Variants in PLCB4 observed in about 807,000 individuals in gnomAD.
PLCB4 encodes the protein phospholipase C beta 4.
In PLCB4, 77 loss-of-function variants were observed where a neutral mutation model predicts 178.8. That is an observed-to-expected ratio of 0.43 (90% CI 0.36 to 0.52). The LOEUF (loss-of-function observed/expected upper bound fraction) is 0.52. Ranked by LOEUF, PLCB4 falls within the 20% of genes least tolerant of loss-of-function variation. PLCB4 has a pLI of 0.00. For synonymous variants in PLCB4, 496 were observed against 490.8 expected (o/e 1.01, Z -0.14); for missense variants, 1,024 against 1,453.4 (o/e 0.70, Z 4.80).
chr20:9,084,518 T>TG (rs869154115), intron 1 of PLCB4, among the ~76,000 whole-genome samples: 4 of 40,654 alleles, frequency 9.8e-5, no homozygotes, highest in African/African-American at 2.7e-4. Flanking sequence ...TTTTTTTTTT[T>TG]GTGTGGGGAA....
intron 2 of PLCB4, among the ~76,000 whole-genome samples, chr20:9,196,963 T>C (rs1352728423): frequency 1.3e-5 from 2 of 152,190 alleles, no homozygotes; most frequent in Non-Finnish European, 2.9e-5. Flanking sequence ...ATGTAGGCAA[T>C]GTAAAATGCA....
At chr20:9,128,006 A>G (rs2092170534) in intron 2 of PLCB4, among the ~76,000 whole-genome samples, 1 of 152,020 alleles carries the variant, frequency 6.6e-6, no homozygotes, top group Non-Finnish European at 1.5e-5. Context: ...GATATGATAT[A>G]GTTTGGATGT....
intron 2 of PLCB4, among the ~76,000 whole-genome samples, chr20:9,134,838 T>G (rs1361834778): frequency 2.6e-5 from 4 of 152,268 alleles, no homozygotes; most frequent in Non-Finnish European, 5.9e-5. Flanking sequence ...TGGAATGAAT[T>G]TTGGCATTAT....
At chr20:9,373,146 G>A in intron 12 of PLCB4, 42 bp downstream of exon 12, 1 of 983,214 alleles carries the variant, frequency 1.0e-6, no homozygotes. Flanking sequence ...TCTGTGTGCA[G>A]TGGCTTGCCT....
intron 28 of PLCB4, among the ~76,000 whole-genome samples, chr20:9,433,896 G>T (rs1242402413): frequency 4.6e-5 from 7 of 152,114 alleles, no homozygotes; most frequent in African/African-American, 1.2e-4. Flanking sequence ...AGAATAAATT[G>T]ATGCAATTTC....
At chr20:9,427,147 C>G (rs1207573574) in intron 28 of PLCB4, among the ~76,000 whole-genome samples, 1 of 152,100 alleles carries the variant, frequency 6.6e-6, no homozygotes, top group Non-Finnish European at 1.5e-5. Context: ...ATTGATTGTA[C>G]CTGGGAGGCA....
At chr20:9,350,624 T>G (rs2148153910) in intron 7 of PLCB4, among the ~76,000 whole-genome samples, 1 of 152,284 alleles carries the variant, frequency 6.6e-6, no homozygotes. Flanking sequence ...AGTGGTGTGT[T>G]CTCAGCTCAC....
At chr20:9,350,272 A>G (rs2034210669) in intron 7 of PLCB4, among the ~76,000 whole-genome samples, 1 of 152,172 alleles carries the variant, frequency 6.6e-6, no homozygotes, top group African/African-American at 2.4e-5. Flanking sequence ...TAATACTAAT[A>G]ATAGTAGCAG....
Position 9,280,866 on chromosome 20 carries a change from C to T in PLCB4, c.-15-26934C>T, listed in dbSNP as rs184803390. Among the ~76,000 whole-genome samples, 39 of 150,598 alleles carry T rather than the reference C, an allele frequency of 2.6e-4. No individual in the cohort carries two copies. The East Asian group carries it at 6.5e-3, about 25-fold the overall frequency. On this transcript the variant is annotated intron_variant, in intron 3 of 39. Coordinates refer to ENST00000378473, the MANE Select transcript of PLCB4 (RefSeq NM_001377142.1). ...GAACATGTGTTCATAATAACAGTGC[C>T]TGGAGGCATATTTGTATTATAGTTC...
In PLCB4 at chr20:9,356,236, T is replaced by G. The variant is rs1328508105; in HGVS notation, c.370-6660T>G. The stretch of plus-strand genomic sequence containing the variant: ...AGGTTGCGAAAATTTTCTCCCATTT[T>G]GTAGGTTGCCTGTTCACTCTGATGG... On this transcript the variant is annotated intron_variant, in intron 7 of 39. Coordinates refer to ENST00000378473, the MANE Select transcript of PLCB4 (RefSeq NM_001377142.1). Among the ~76,000 whole-genome samples, 3 of 152,174 alleles carry G rather than the reference T, an allele frequency of 2.0e-5. No individual in the cohort carries two copies. In the East Asian group the frequency reaches 5.8e-4, roughly 29 times the overall value.
chr20:9,079,103 C>T (rs2090020981), intron 1 of PLCB4, among the ~76,000 whole-genome samples: 1 of 152,114 alleles, frequency 6.6e-6, no homozygotes, highest in African/African-American at 2.4e-5. Context: ...AAAGTCTGTG[C>T]TAGGTTTTGC....
intron 2 of PLCB4, among the ~76,000 whole-genome samples, chr20:9,177,874 GA>G (rs2093181147): frequency 6.6e-6 from 1 of 152,172 alleles, no homozygotes; most frequent in Non-Finnish European, 1.5e-5. Flanking sequence ...TCATTTTGTA[GA>G]AGGAAGATAC....
intron 3 of PLCB4, among the ~76,000 whole-genome samples, chr20:9,275,293 A>G (rs1008820232): frequency 7.3e-5 from 11 of 151,628 alleles, no homozygotes; most frequent in African/African-American, 2.4e-4. Context: ...CTTATTCAGT[A>G]TCACAAGAAT....
intron 2 of PLCB4, among the ~76,000 whole-genome samples, chr20:9,110,847 T>C (rs889066156): frequency 3.3e-5 from 5 of 152,194 alleles, no homozygotes; most frequent in African/African-American, 7.2e-5. Context: ...GAAGGTAATA[T>C]GTTTGTTATA....
At chr20:9,373,982 G>A (rs980788731) in intron 12 of PLCB4, among the ~76,000 whole-genome samples, 1 of 152,064 alleles carries the variant, frequency 6.6e-6, no homozygotes, top group African/African-American at 2.4e-5. Flanking sequence ...AATAATTTAA[G>A]TTAATCATTA....
chr20:9,211,044 G>C (rs1186004690), intron 2 of PLCB4, among the ~76,000 whole-genome samples: 1 of 152,206 alleles, frequency 6.6e-6, no homozygotes, highest in Non-Finnish European at 1.5e-5. Context: ...GGCATGGTAT[G>C]ATTTGGGCTA....
chr20:9,343,129 G>A (rs2033420979), intron 7 of PLCB4, among the ~76,000 whole-genome samples: 2 of 152,118 alleles, frequency 1.3e-5, no homozygotes, highest in South Asian at 4.1e-4. Context: ...GGTCTGACAA[G>A]TGAAATGTAA....
intron 4 of PLCB4, among the ~76,000 whole-genome samples, chr20:9,332,764 T>C (rs991282496): frequency 6.6e-6 from 1 of 152,210 alleles, no homozygotes; most frequent in Non-Finnish European, 1.5e-5. Context: ...TGTAGGACCT[T>C]ATGACAGGCA....
chr20:9,390,269 A>G (rs2038033152), intron 16 of PLCB4, among the ~76,000 whole-genome samples: 1 of 152,222 alleles, frequency 6.6e-6, no homozygotes, highest in Non-Finnish European at 1.5e-5. Context: ...GGAAGATTTG[A>G]CAGTATATTT....
Sources: gnomAD v4.1 joint callset for allele counts (sites outside exome capture counted in the v4.1 genomes callset) on GRCh38, gnomAD v4.1.1 for gene constraint, MANE v1.5 for transcripts, NCBI Gene and HGNC (gene_info 2026-07-23, HGNC 2026-07-21) for gene names.